The following KMT2D variants were observed in gnomAD, a reference collection of about 807,000 sequenced individuals.
The protein encoded by KMT2D is lysine methyltransferase 2D, also known as histone-lysine N-methyltransferase 2D.
Under a neutral mutation model 512.7 loss-of-function variants are expected in KMT2D, and 55 were observed. That is an observed-to-expected ratio of 0.11 (90% CI 0.09 to 0.13). The LOEUF is 0.13. KMT2D is among the 10% of genes least tolerant of loss of function. The pLI is 1.00. For missense variants in KMT2D, 6,061 were observed against 7,127.9 expected (o/e 0.85, Z 5.39); for synonymous variants, 2,995 against 2,904.0 (o/e 1.03, Z -1.01).
At position 49,039,228 on chromosome 12, in the gene KMT2D, T is replaced by C; in HGVS notation, c.8360A>G (p.Asn2787Ser). The change falls in exon 34 of 55, where the codon AAC becomes AGC. Residue 2787 changes from asparagine (N) to serine (S), a missense_variant. Physicochemically the swap from Asn to Ser is conservative, Grantham distance 46. Around this residue, in one of 16 missense-constraint regions of KMT2D, gnomAD observed 527 missense variants for 578.9 expected, o/e 0.91. Coordinates refer to ENST00000301067, the MANE Select transcript of KMT2D (RefSeq NM_003482.4). This position sits in a 1 kb window ranked among gnomAD's most constrained non-coding sequence, Gnocchi z 5.0. Reference sequence around the variant, plus strand: ...GAACCTCCTGGAGCCTCACCGGCTGTTCACATCCATAGAGGAAGGCGTGGC... The same window carrying C: ...GAACCTCCTGGAGCCTCACCGGCTGCTCACATCCATAGAGGAAGGCGTGGC... ...PPATPSSMDV[N>S]SRQLVGGSQA... 1 of 1,613,744 alleles carries C rather than the reference T, an allele frequency of 6.2e-7. No individual in the cohort carries two copies. The highest frequency in any genetic ancestry group is 1.1e-5 in the South Asian group (1 of 91,090).
chr12:49,021,976 G>T (rs1942349092), intron 54 of KMT2D, 67 bp downstream of exon 54: 1 of 1,551,152 alleles, frequency 6.4e-7, no homozygotes, highest in South Asian at 1.1e-5. Context: ...CACATTTAGG[G>T]AATGGCAGAG....
intron 1 of KMT2D, among the ~76,000 whole-genome samples, chr12:49,056,642 A>T (rs117448109): frequency 1.1e-3 from 166 of 152,240 alleles, no homozygotes; most frequent in East Asian, 7.7e-3. Context: ...ACAGAACTCA[A>T]ACAATAAAAG....
In KMT2D at chr12:49,046,852, A is replaced by AT. The variant is rs1389757849; in HGVS notation, c.4237-63dup. On this transcript the variant is annotated intron_variant, in intron 15 of 54. Coordinates refer to ENST00000301067, the MANE Select transcript of KMT2D (RefSeq NM_003482.4). This position sits in a 1 kb window ranked among gnomAD's most constrained non-coding sequence, Gnocchi z 4.2. ...TGGAAAAGAGGTAGAACTTCTTTTT[A>AT]TTTTTTTTTGGAGATGGAGTTTTGC... is the stretch of plus-strand genomic sequence containing the variant. 1.3e-3 allele frequency: 1,909 copies of AT among 1,434,312 alleles called. 1 individual carries two copies. Among genetic ancestry groups the AT allele is most frequent in the South Asian group, 3.2e-3 (240 of 75,702 alleles). The allele number at this position is 1,434,312 out of a possible 1,614,324, so 88.8% of individuals were successfully genotyped here.
chr12:49,049,363 A>G (rs570090204), intron 12 of KMT2D, 145 bp from the exon 13 acceptor site: 247 of 617,646 alleles, frequency 4.0e-4, no homozygotes, highest in Non-Finnish European at 6.2e-4. Flanking sequence ...GAAAAGGCCA[A>G]ACTCCCAGAT....
At chr12:49,030,815 C>T (rs1382188443) in intron 41 of KMT2D, 47 bp from the exon 42 acceptor site, 8 of 1,612,622 alleles carry the variant, frequency 5.0e-6, no homozygotes, top group South Asian at 3.3e-5. Flanking sequence ...GCGTTTGCAT[C>T]GCTGTCTTGC....
chr12:49,026,978 G>C lies in KMT2D; in HGVS notation c.14988C>G (p.Ile4996Met), dbSNP rs2120365575. 1 of 1,614,032 alleles carries C rather than the reference G, an allele frequency of 6.2e-7. No homozygotes were observed. The highest frequency in any genetic ancestry group is 8.5e-7 in the Non-Finnish European group (1 of 1,179,906). The change falls in exon 49 of 55, where the codon ATC becomes ATG. Residue 4996 changes from isoleucine to methionine, a missense_variant. Around this residue, in one of 16 missense-constraint regions of KMT2D, gnomAD observed 1,600 missense variants for 1,754.9 expected, o/e 0.91. Transcript: ENST00000301067. This position sits in a 1 kb window ranked among gnomAD's most constrained non-coding sequence, Gnocchi z 9.6. ...CCTCCTGCCGCCCACTGCCCTTCTGGATGGTCAGCAGCAGCCGAAGCCGCT... is the reference window on the plus strand; with the variant it reads ...CCTCCTGCCGCCCACTGCCCTTCTGCATGGTCAGCAGCAGCCGAAGCCGCT... The part of the protein sequence containing the change: ...RWKRLRLLLT[I>M]QKGSGRQEDE...
chr12:49,033,240 C>T lies in KMT2D; in HGVS notation c.11465G>A (p.Gly3822Asp), dbSNP rs1270374784. ...GGTCATAAGCACCTGTCTGTGAGGGCCCTGGGGGCCCAAAGCTCCAGGGTG... is the reference window on the plus strand; with the variant it reads ...GGTCATAAGCACCTGTCTGTGAGGGTCCTGGGGGCCCAAAGCTCCAGGGTG... ...QQHPGALGPQGPHRQVLMTQS... is the reference protein window; with the variant it reads ...QQHPGALGPQDPHRQVLMTQS... The change falls in exon 40 of 55, where the codon GGC (glycine) becomes GAC (aspartate). Residue 3822 changes from glycine to aspartate, a missense_variant. Coordinates refer to ENST00000301067, the MANE Select transcript of KMT2D (RefSeq NM_003482.4). The T allele has an allele frequency of 1.3e-6, 2 of 1,553,340 alleles. No homozygotes were observed. The highest frequency in any genetic ancestry group is 1.7e-6 in the Non-Finnish European group (2 of 1,148,084).
At position 49,039,631 on chromosome 12, in the gene KMT2D, A is replaced by G; in HGVS notation, c.8047-14T>C. ...TAGTCGCTGGCGCTATGCAAAAAAA[A>G]GAGAAGAGGAATAAGCCCATTCTAC... On this transcript the variant is annotated splice_polypyrimidine_tract_variant and intron_variant, in intron 32 of 54. Transcript: ENST00000301067. The surrounding 1 kb of genome is among the most constrained non-coding windows in gnomAD (Gnocchi z 5.0). 6.2e-7 allele frequency: 1 copy of G among 1,605,090 alleles called. No individual in the cohort carries two copies. Among genetic ancestry groups the G allele is most frequent in the Non-Finnish European group, 8.5e-7 (1 of 1,177,866 alleles).
At chr12:49,030,573 T>A in intron 42 of KMT2D, 28 bp downstream of exon 42, 1 of 1,538,698 alleles carries the variant, frequency 6.5e-7, no homozygotes, top group Non-Finnish European at 8.8e-7. Flanking sequence ...ACTTCACTAT[T>A]CCCAAAAAAT....
intron 2 of KMT2D, 98 bp from the exon 3 acceptor site, chr12:49,055,124 C>A: frequency 1.3e-6 from 2 of 1,562,808 alleles, no homozygotes; most frequent in Non-Finnish European, 1.8e-6. Context: ...CTGAGTGGAT[C>A]AGAGTGATGA....
At chr12:49,052,521 A>G in intron 10 of KMT2D, 43 bp downstream of exon 10, 1 of 1,604,624 alleles carries the variant, frequency 6.2e-7, no homozygotes, top group South Asian at 1.1e-5. Context: ...CTTGCCATAG[A>G]ATAAAAGGGG....
At position 49,032,498 on chromosome 12, in the gene KMT2D, G is replaced by C. The variant is rs769269174; in HGVS notation, c.12207C>G (p.Leu4069=). 2 of 1,575,508 alleles carry C rather than the reference G, an allele frequency of 1.3e-6. No individual in the cohort carries two copies. The highest frequency in any genetic ancestry group is 1.9e-5 in the Admixed American group (1 of 53,076). The change falls in exon 40 of 55, where the codon CTC becomes CTG. Residue 4069 remains leucine, a synonymous_variant. Transcript: ENST00000301067. The part of the protein sequence containing the change: ...ATEPGEVKPS[L]SGDSQLLLVQ... ...CAAGCAGGAGTTGTGAGTCCCCAGAGAGTGAGGGCTTTACCTCTCCTGGTT... is the reference window on the plus strand; with the variant it reads ...CAAGCAGGAGTTGTGAGTCCCCAGACAGTGAGGGCTTTACCTCTCCTGGTT...
At position 49,052,959 on chromosome 12, in the gene KMT2D, C is replaced by T; in HGVS notation, c.1068G>A (p.Gln356=). The change falls in exon 9 of 55, where the codon CAG becomes CAA. Residue 356 remains glutamine (Q), a synonymous_variant. Coordinates refer to ENST00000301067, the MANE Select transcript of KMT2D (RefSeq NM_003482.4). ...CHRCHKAQGG[Q]TIRSVAEQHT... The stretch of plus-strand genomic sequence containing the variant: ...GCTGCTCAGCAACGGAGCGGATAGT[C>T]TGACCTCCCTGGGCTTTGTGACAGC... 1 of 1,614,018 alleles carries T rather than the reference C, an allele frequency of 6.2e-7. No homozygotes were observed. The highest frequency in any genetic ancestry group is 8.5e-7 in the Non-Finnish European group (1 of 1,179,866).
Position 49,019,915 on chromosome 12 carries a change from C to T in KMT2D, c.*1865G>A. 1 of 225,986 alleles carries T rather than the reference C, an allele frequency of 4.4e-6. No homozygotes were observed. Among genetic ancestry groups the T allele is most frequent in the Non-Finnish European group, 8.8e-6 (1 of 113,312 alleles). The allele number at this position is 225,986 out of a possible 1,614,324, so 14.0% of individuals were successfully genotyped here. A position where few individuals can be genotyped will look rare whatever the true frequency, so the allele number is the denominator to read the frequency against. ...CTCCCCCTCCAGCAGGCCCGCCCGT[C>T]CACCACCACCAAGCCCACCCCTACA... On this transcript the variant is annotated 3_prime_UTR_variant, in exon 55 of 55. Transcript: ENST00000301067.
rs2120481769 is a variant in KMT2D, at chr12:49,037,560, G to C, written c.9796C>G (p.Leu3266Val). 3.9e-6 allele frequency: 6 copies of C among 1,554,016 alleles called. No individual in the cohort carries two copies. Among genetic ancestry groups the C allele is most frequent in the Non-Finnish European group, 5.2e-6 (6 of 1,148,430 alleles). Residue 3266 changes from leucine to valine, a missense_variant, in exon 35 of 55, where the codon CTT (leucine) becomes GTT (valine). This residue lies in a region of KMT2D where 533 missense variants were observed against 539.6 expected (regional missense o/e 0.99). Coordinates refer to ENST00000301067, the MANE Select transcript of KMT2D (RefSeq NM_003482.4). ...EKKELQKKQQ[L>V]SAQLQPAQQQ... ...TGGGCAGGCTGCAACTGTGCTGAAA[G>C]CTGCTGCTTCTTCTGCAGCTCCTTC...
chr12:49,032,037 T>C lies in KMT2D; in HGVS notation c.12668A>G (p.Gln4223Arg), dbSNP rs756270077. ...CAGCTGCCGCTGCATGAGGAGTGCC[T>C]GTAGCTGCTGCTGCTGCTGAGGACT... Reference protein sequence around the residue: ...HLSPQQQQQLQALLMQRQLQQ... With the variant: ...HLSPQQQQQLRALLMQRQLQQ... Residue 4223 changes from glutamine (Q) to arginine (R), a missense_variant, in exon 40 of 55, where the codon CAG (glutamine) becomes CGG (arginine). Coordinates refer to ENST00000301067, the MANE Select transcript of KMT2D (RefSeq NM_003482.4). 2.5e-6 allele frequency: 4 copies of C among 1,613,046 alleles called. No individual in the cohort carries two copies. Among genetic ancestry groups the C allele is most frequent in the South Asian group, 1.1e-5 (1 of 91,056 alleles).
At position 49,037,103 on chromosome 12, in the gene KMT2D, CTA is replaced by C. The variant is rs757130447; in HGVS notation, c.10231+20_10231+21del. On this transcript the variant is annotated intron_variant, in intron 35 of 54. Transcript: ENST00000301067. ...ACAATAATCACCCTGAGTAACTTGGCTATGTTACCAGCTGAGGTTACCTGTAT... is the reference window on the plus strand; with the variant it reads ...ACAATAATCACCCTGAGTAACTTGGCTGTTACCAGCTGAGGTTACCTGTAT... 3 of 1,540,314 alleles carry C rather than the reference CTA, an allele frequency of 1.9e-6. No homozygotes were observed. The highest frequency in any genetic ancestry group is 2.6e-6 in the Non-Finnish European group (3 of 1,139,304).
chr12:49,032,971 G>A lies in KMT2D; in HGVS notation c.11734C>T (p.Leu3912Phe). ...QQQQLQQQQQ[L>F]QQQQQQQLQQ... ...AGCTGCTGCTGCTGCTGCTGCTGAA[G>A]TTGCTGTTGCTGTTGCAGCTGCTGC... The change falls in exon 40 of 55, where the codon CTT (leucine) becomes TTT (phenylalanine). Residue 3912 changes from leucine (L) to phenylalanine (F), a missense_variant. Coordinates refer to ENST00000301067, the MANE Select transcript of KMT2D (RefSeq NM_003482.4). The A allele has an allele frequency of 6.5e-7, 1 of 1,550,338 alleles. No individual in the cohort carries two copies. Among genetic ancestry groups the A allele is most frequent in the South Asian group, 1.2e-5 (1 of 84,022 alleles).
intron 1 of KMT2D, 71 bp downstream of exon 1, chr12:49,059,542 C>G (rs1938613390): frequency 6.6e-6 from 1 of 152,508 alleles, no homozygotes; most frequent in Non-Finnish European, 1.5e-5. Flanking sequence ...CCAGCTCCGG[C>G]TAAGATAGTC....
Sources: gnomAD v4.1 joint callset for allele counts (sites outside exome capture counted in the v4.1 genomes callset) on GRCh38, gnomAD v4.1.1 for gene constraint, gnomAD v4.1.1 regional missense constraint, Gnocchi (gnomAD v3.1) non-coding constraint, MANE v1.5 for transcripts, NCBI Gene and HGNC (gene_info 2026-07-23, HGNC 2026-07-21) for gene names.